Variants in GABPB1 observed in about 807,000 individuals in gnomAD.
GABPB1 encodes the protein GA-binding protein subunit beta-1.
In GABPB1, 15 loss-of-function variants were observed where a neutral mutation model predicts 45.9. The ratio of observed to expected loss-of-function variants is 0.33; its 90% CI spans 0.22 to 0.50. The LOEUF (loss-of-function observed/expected upper bound fraction) is 0.50. Ranked by LOEUF, GABPB1 falls within the 20% of genes least tolerant of loss-of-function variation. The pLI is 0.98. For synonymous variants in GABPB1, 143 were observed against 154.4 expected (o/e 0.93, Z 0.55); for missense variants, 252 against 457.5 (o/e 0.55, Z 4.10).
chr15:50,314,184 T>C (rs1046520224), intron 1 of GABPB1, among the ~76,000 whole-genome samples: 2 of 106,096 alleles, frequency 1.9e-5, no homozygotes, highest in Non-Finnish European at 4.7e-5. Flanking sequence ...TATTTATTTA[T>C]TTATTTATTT....
chr15:50,281,891 T>C (rs1261795770), intron 8 of GABPB1, among the ~76,000 whole-genome samples: 1 of 152,150 alleles, frequency 6.6e-6, no homozygotes, highest in Non-Finnish European at 1.5e-5. Flanking sequence ...TGCTTGAGCC[T>C]AGGAGTGAGA....
At chr15:50,320,774 C>CA (rs1386254165) in intron 1 of GABPB1, among the ~76,000 whole-genome samples, 5 of 152,176 alleles carry the variant, frequency 3.3e-5, no homozygotes, top group Admixed American at 6.5e-5. Context: ...CAGAAGGTCA[C>CA]AGTCAGGGAG....
chr15:50,292,430 G>A (rs2046381014), intron 6 of GABPB1, among the ~76,000 whole-genome samples: 1 of 151,996 alleles, frequency 6.6e-6, no homozygotes, highest in Non-Finnish European at 1.5e-5. Flanking sequence ...TGGGGAAACA[G>A]GATATTCAAA....
chr15:50,329,906 C>T (rs2047894492), intron 1 of GABPB1, among the ~76,000 whole-genome samples: 2 of 145,438 alleles, frequency 1.4e-5, no homozygotes, highest in African/African-American at 5.0e-5. Context: ...TCCACTCTTA[C>T]TTTTTTTTTT....
chr15:50,329,598 C>T (rs2047883051), intron 1 of GABPB1, among the ~76,000 whole-genome samples: 1 of 152,022 alleles, frequency 6.6e-6, no homozygotes, highest in African/African-American at 2.4e-5. Flanking sequence ...AGTTTTTCTC[C>T]ATGTATTTAA....
intron 1 of GABPB1, among the ~76,000 whole-genome samples, chr15:50,342,604 G>A (rs1595842730): frequency 6.6e-6 from 1 of 152,202 alleles, no homozygotes; most frequent in South Asian, 2.1e-4. Context: ...AGACACCATA[G>A]ATCAGTGCTC....
chr15:50,308,749 T>C lies in GABPB1; in HGVS notation c.108+942A>G, dbSNP rs553599096. On this transcript the variant is annotated intron_variant, in intron 2 of 8. Transcript: ENST00000380877. Reference sequence around the variant, plus strand: ...AGGTTGATAATCTCTTTCTTTCTAATTCAGCAGTGTACTTAAGAAGACTTT... The same window carrying C: ...AGGTTGATAATCTCTTTCTTTCTAACTCAGCAGTGTACTTAAGAAGACTTT... 9.2e-5 allele frequency among the ~76,000 whole-genome samples: 14 copies of C among 152,338 alleles called. No individual in the cohort carries two copies. The South Asian group carries it at 2.9e-3, about 32-fold the overall frequency.
chr15:50,295,888 A>G (rs1016411184), intron 6 of GABPB1, among the ~76,000 whole-genome samples: 12 of 152,216 alleles, frequency 7.9e-5, no homozygotes, highest in African/African-American at 2.9e-4. Flanking sequence ...TGCTTATAAC[A>G]TCAAGAAAAG....
intron 1 of GABPB1, among the ~76,000 whole-genome samples, chr15:50,335,783 C>G (rs187311141): frequency 9.5e-4 from 143 of 151,142 alleles, no homozygotes; most frequent in Non-Finnish European, 1.6e-3. Context: ...GTAATCCCAG[C>G]TACTCAGAAG....
chr15:50,315,839 C>G (rs2141071489), intron 1 of GABPB1, among the ~76,000 whole-genome samples: 1 of 152,306 alleles, frequency 6.6e-6, no homozygotes, highest in South Asian at 2.1e-4. Flanking sequence ...CTTTGGGAGG[C>G]CGAGAAGGGA....
In GABPB1 at chr15:50,282,631, C is replaced by G. The variant is rs186236745; in HGVS notation, c.999+3437G>C. Among the ~76,000 whole-genome samples, 752 of 146,676 alleles carry G rather than the reference C, an allele frequency of 5.1e-3. 4 individuals carry two copies. Among genetic ancestry groups the G allele is most frequent in the Non-Finnish European group, 7.8e-3 (517 of 66,698 alleles). On this transcript the variant is annotated intron_variant, in intron 8 of 8. Coordinates refer to ENST00000380877, the MANE Select transcript of GABPB1 (RefSeq NM_016654.5). ...AATTGTGGCAGATCAGGAAAGATAG[C>G]CATAAAAAAAAAAGATTGAAAAGCT...
At chr15:50,326,493 A>T (rs930064585) in intron 1 of GABPB1, among the ~76,000 whole-genome samples, 1 of 151,972 alleles carries the variant, frequency 6.6e-6, no homozygotes, top group Non-Finnish European at 1.5e-5. Flanking sequence ...CCCCGTCTCT[A>T]CTAAACAATA....
intron 7 of GABPB1, among the ~76,000 whole-genome samples, chr15:50,287,792 G>A (rs2046216436): frequency 6.6e-6 from 1 of 152,194 alleles, no homozygotes; most frequent in Non-Finnish European, 1.5e-5. Flanking sequence ...GAAAGCATCT[G>A]ACCCTAATCC....
chr15:50,281,360 C>T (rs7179756), intron 8 of GABPB1, among the ~76,000 whole-genome samples: 68,842 of 151,906 alleles, frequency 0.45, 16,949 homozygotes, highest in Middle Eastern at 0.63. Context: ...TATAGGCGCA[C>T]GCCACCATGC....
chr15:50,295,192 T>A (rs2046470279), intron 6 of GABPB1, among the ~76,000 whole-genome samples: 1 of 152,248 alleles, frequency 6.6e-6, no homozygotes, highest in Non-Finnish European at 1.5e-5. Flanking sequence ...ATCATTATGA[T>A]AACTCTTCCC....
At chr15:50,345,341 T>C (rs1022651009) in intron 1 of GABPB1, among the ~76,000 whole-genome samples, 1 of 152,146 alleles carries the variant, frequency 6.6e-6, no homozygotes, top group Non-Finnish European at 1.5e-5. Context: ...GTTAGGAAAG[T>C]AGTAGTAAAA....
At chr15:50,286,244 C>G (rs1446405673) in intron 7 of GABPB1, 61 bp from the exon 8 acceptor site, 1 of 1,164,508 alleles carries the variant, frequency 8.6e-7, no homozygotes, top group Non-Finnish European at 1.2e-6. Flanking sequence ...AGAAATAAAA[C>G]TAGTCTTGAC....
intron 1 of GABPB1, among the ~76,000 whole-genome samples, chr15:50,320,202 T>C (rs2047510090): frequency 6.6e-6 from 1 of 152,054 alleles, no homozygotes; most frequent in Admixed American, 6.5e-5. Flanking sequence ...AGTTTCGCTC[T>C]TGTTGCCCAG....
At chr15:50,286,944 T>C (rs2046181932) in intron 7 of GABPB1, among the ~76,000 whole-genome samples, 1 of 152,196 alleles carries the variant, frequency 6.6e-6, no homozygotes, top group Non-Finnish European at 1.5e-5. Context: ...TTCCACGGCC[T>C]TTAAAATTTT....
Sources: gnomAD v4.1 joint callset for allele counts (sites outside exome capture counted in the v4.1 genomes callset) on GRCh38, gnomAD v4.1.1 for gene constraint, MANE v1.5 for transcripts, NCBI Gene and HGNC (gene_info 2026-07-23, HGNC 2026-07-21) for gene names.